Variants in WDR33 observed in about 807,000 individuals in gnomAD.
WDR33 encodes the protein WD repeat domain 33.
A neutral mutation model predicts 164.9 loss-of-function variants in WDR33; 47 were observed. The observed-to-expected ratio is 0.29, with a 90% CI of 0.23 to 0.36. WDR33 has a LOEUF of 0.36. Among genes scored for constraint, WDR33 ranks in the 10% least tolerant of loss-of-function variants. The probability of loss-of-function intolerance (pLI) is 1.00; values close to 1 mark genes in which losing one functional copy is unlikely to be tolerated. For synonymous variants in WDR33, 505 were observed against 589.0 expected (o/e 0.86, Z 2.06); for missense variants, 1,137 against 1,754.1 (o/e 0.65, Z 6.28).
At position 127,701,952 on chromosome 2, in the gene WDR33, C is replaced by T. The variant is rs1173131525; in HGVS notation, c.*4371G>A. 2.1e-5 allele frequency: 30 copies of T among 1,401,244 alleles called. No individual in the cohort carries two copies. The highest frequency in any genetic ancestry group is 2.7e-5 in the Non-Finnish European group (29 of 1,084,896). The allele number at this position is 1,401,244 out of a possible 1,614,324, so 86.8% of individuals were successfully genotyped here. On this transcript the variant is annotated 3_prime_UTR_variant, in exon 22 of 22. Coordinates refer to ENST00000322313, the MANE Select transcript of WDR33 (RefSeq NM_018383.5). The stretch of plus-strand genomic sequence containing the variant: ...ACGCCTGCTGCGCTGCGAAGAAGCG[C>T]CGTCCCGGCCCGCGCTGCTCTACAT...
At chr2:127,805,955 A>G (rs921962818) in intron 1 of WDR33, among the ~76,000 whole-genome samples, 2 of 151,470 alleles carry the variant, frequency 1.3e-5, no homozygotes, top group African/African-American at 4.8e-5. Context: ...TGTTTAAAAA[A>G]AAAAAAAAAA....
chr2:127,722,773 A>C lies in WDR33; in HGVS notation c.1379-43T>G. ...AGTGGTTTGCCTCTTAAATAAAAGA[A>C]ATTGGCCACTTGATCAATGAACACA... On this transcript the variant is annotated intron_variant, in intron 13 of 21. Transcript: ENST00000322313. This position sits in a 1 kb window ranked among gnomAD's most constrained non-coding sequence, Gnocchi z 5.1. The C allele has an allele frequency of 6.3e-7, 1 of 1,597,476 alleles. No homozygotes were observed. Among genetic ancestry groups the C allele is most frequent in the South Asian group, 1.1e-5 (1 of 87,972 alleles).
intron 1 of WDR33, among the ~76,000 whole-genome samples, chr2:127,774,829 C>CA (rs1378648022): frequency 1.5e-4 from 20 of 133,906 alleles, no homozygotes; most frequent in African/African-American, 3.9e-4. Flanking sequence ...GACTCCGTCT[C>CA]AAAAAAAAAG....
intron 7 of WDR33, among the ~76,000 whole-genome samples, chr2:127,747,983 G>C (rs1423714119): frequency 6.6e-6 from 1 of 152,128 alleles, no homozygotes; most frequent in Non-Finnish European, 1.5e-5. Flanking sequence ...CAAGACCATG[G>C]CAAAGTGAGA....
rs1179768473 is a variant in WDR33 at position 127,710,759 on chromosome 2, TCCTCCCA to T, written c.3309-910_3309-904del. On this transcript the variant is annotated intron_variant, in intron 18 of 21. Transcript: ENST00000322313. This position sits in a 1 kb window ranked among gnomAD's most constrained non-coding sequence, Gnocchi z 4.4. Reference sequence around the variant, plus strand: ...GCCCCTCTGCATGAGCTGCATGGCCTCCTCCCAGGCCAGGCCTCTGCTCTTCCTCAGG... The same window carrying T: ...GCCCCTCTGCATGAGCTGCATGGCCTGGCCAGGCCTCTGCTCTTCCTCAGG... Among the ~76,000 whole-genome samples, 4 of 152,130 alleles carry T rather than the reference TCCTCCCA, an allele frequency of 2.6e-5. No individual in the cohort carries two copies. The highest frequency in any genetic ancestry group is 9.7e-5 in the African/African-American group (4 of 41,432).
intron 7 of WDR33, among the ~76,000 whole-genome samples, chr2:127,729,413 T>C (rs1458404922): frequency 6.6e-6 from 1 of 152,190 alleles, no homozygotes; most frequent in Non-Finnish European, 1.5e-5. Flanking sequence ...ACTGTGTCAC[T>C]TCCTATTTGC....
At position 127,768,464 on chromosome 2, in the gene WDR33, A is replaced by G. The variant is rs569563865; in HGVS notation, c.274-171T>C. On this transcript the variant is annotated intron_variant, in intron 3 of 21. Coordinates refer to ENST00000322313, the MANE Select transcript of WDR33 (RefSeq NM_018383.5). ...CAATTAGTCTATTAATTAAGTGAAG[A>G]AAAGTGAGATACAGGAAAGTTAAAT... Among the ~76,000 whole-genome samples, 3 of 152,322 alleles carry G rather than the reference A, an allele frequency of 2.0e-5. No individual in the cohort carries two copies. The East Asian group carries it at 5.8e-4, about 29-fold the overall frequency.
rs1687018003 is a variant in WDR33, at chr2:127,741,635, T to C, written c.725-14858A>G. Among the ~76,000 whole-genome samples the C allele has an allele frequency of 6.6e-6, 1 of 152,120 alleles. No homozygotes were observed. The highest frequency in any genetic ancestry group is 2.1e-4 in the South Asian group (1 of 4,826). ...TTATACTAACCAATACAAACCACCA[T>C]TCAAATCTCTGGACAACCAAGGGTC... On this transcript the variant is annotated intron_variant, in intron 7 of 21. Coordinates refer to ENST00000322313, the MANE Select transcript of WDR33 (RefSeq NM_018383.5). This position sits in a 1 kb window ranked among gnomAD's most constrained non-coding sequence, Gnocchi z 4.1.
chr2:127,781,865 G>C (rs1308281486), intron 1 of WDR33, among the ~76,000 whole-genome samples: 1 of 151,946 alleles, frequency 6.6e-6, no homozygotes, highest in Middle Eastern at 3.2e-3. Flanking sequence ...AGGCGTGGTG[G>C]CACACGCCTG....
intron 1 of WDR33, among the ~76,000 whole-genome samples, chr2:127,792,288 G>T (rs1042720294): frequency 6.6e-6 from 1 of 151,920 alleles, no homozygotes; most frequent in Non-Finnish European, 1.5e-5. Context: ...CTCACTTTGA[G>T]AACTCACCAC....
chr2:127,773,806 C>A (rs545781306), intron 1 of WDR33, among the ~76,000 whole-genome samples: 4 of 152,136 alleles, frequency 2.6e-5, no homozygotes, highest in Non-Finnish European at 5.9e-5. Context: ...CTCTGTTGCC[C>A]AGGCTGGAGT....
At chr2:127,786,001 T>C (rs936222664) in intron 1 of WDR33, among the ~76,000 whole-genome samples, 11 of 152,238 alleles carry the variant, frequency 7.2e-5, no homozygotes, top group African/African-American at 2.7e-4. Context: ...TTTTGAATTT[T>C]TGCCATTCTA....
At chr2:127,736,701 ACTT>A (rs1241966859) in intron 7 of WDR33, 2 of 985,348 alleles carry the variant, frequency 2.0e-6, no homozygotes, top group Non-Finnish European at 1.2e-6. Flanking sequence ...GTGCCGTGTA[ACTT>A]CTTAAGTACT....
chr2:127,719,227 T>C lies in WDR33; in HGVS notation c.2760+38A>G. On this transcript the variant is annotated intron_variant, in intron 16 of 21. Transcript: ENST00000322313. The surrounding 1 kb of genome is among the most constrained non-coding windows in gnomAD (Gnocchi z 6.5). ...CAGTATTACTTCTGTGCAGAGTGTA[T>C]TTTCCCAATGTGCCCGTGAGTTGGA... is the stretch of plus-strand genomic sequence containing the variant. 2.2e-6 allele frequency: 3 copies of C among 1,392,524 alleles called. No individual in the cohort carries two copies. Among genetic ancestry groups the C allele is most frequent in the Non-Finnish European group, 2.8e-6 (3 of 1,074,506 alleles). 86.3% of individuals were successfully genotyped at this position (1,392,524 alleles called of 1,614,324 possible).
Position 127,701,863 on chromosome 2 carries a change from G to A in WDR33, c.*4460C>T. On this transcript the variant is annotated 3_prime_UTR_variant, in exon 22 of 22. Transcript: ENST00000322313. The stretch of plus-strand genomic sequence containing the variant: ...CGCGCGCGCAAGTTCGCGCTGCTCT[G>A]GTCACTGGGCTCGGCGCTGGCGTTG... The A allele has an allele frequency of 1.4e-6, 2 of 1,460,870 alleles. No individual in the cohort carries two copies. Among genetic ancestry groups the A allele is most frequent in the Non-Finnish European group, 9.0e-7 (1 of 1,111,872 alleles). 90.5% of individuals were successfully genotyped at this position (1,460,870 alleles called of 1,614,324 possible). A position where few individuals can be genotyped will look rare whatever the true frequency, so the allele number is the denominator to read the frequency against.
At chr2:127,743,924 T>G (rs1186918658) in intron 7 of WDR33, among the ~76,000 whole-genome samples, 1 of 152,112 alleles carries the variant, frequency 6.6e-6, no homozygotes, top group Non-Finnish European at 1.5e-5. Context: ...ACCACAAGAA[T>G]AGAAACAATT....
chr2:127,788,786 C>T (rs1451992864), intron 1 of WDR33, among the ~76,000 whole-genome samples: 24 of 145,884 alleles, frequency 1.6e-4, no homozygotes, highest in African/African-American at 5.3e-4. Context: ...GGCGGCTGGC[C>T]GGGCGGGGGG....
intron 1 of WDR33, among the ~76,000 whole-genome samples, chr2:127,805,129 G>A (rs1450842317): frequency 7.4e-6 from 1 of 134,502 alleles, no homozygotes; most frequent in East Asian, 2.2e-4. Flanking sequence ...CTAGGCTGGA[G>A]TACAGCAGCA....
At position 127,703,301 on chromosome 2, in the gene WDR33, C is replaced by CT. The variant is rs1685937445; in HGVS notation, c.*3021dup. The CT allele has an allele frequency of 6.0e-6, 1 of 167,060 alleles. No homozygotes were observed. Among genetic ancestry groups the CT allele is most frequent in the Non-Finnish European group, 1.5e-5 (1 of 68,140 alleles). The allele number at this position is 167,060 out of a possible 1,614,324, so 10.3% of individuals were successfully genotyped here. A position where few individuals can be genotyped will look rare whatever the true frequency, so the allele number is the denominator to read the frequency against. ...GGAAGTAGGTCCCAGACATCAGGACCTTTTTAAAGCTCCCCAAGTGATTCT... is the reference window on the plus strand; with the variant it reads ...GGAAGTAGGTCCCAGACATCAGGACCTTTTTTAAAGCTCCCCAAGTGATTCT... On this transcript the variant is annotated 3_prime_UTR_variant, in exon 22 of 22. Transcript: ENST00000322313.
Sources: allele counts gnomAD v4.1 joint callset (sites outside exome capture counted in the v4.1 genomes callset), GRCh38; gene constraint gnomAD v4.1.1; non-coding constraint Gnocchi (gnomAD v3.1); transcripts MANE v1.5; gene names NCBI Gene and HGNC (gene_info 2026-07-23, HGNC 2026-07-21).